BAZ2B: variants seen among roughly 807,000 people sequenced by gnomAD.
BAZ2B encodes bromodomain adjacent to zinc finger domain 2B.
BAZ2B carries 91 observed loss-of-function variants against 246.0 expected under a neutral mutation model. That is an observed-to-expected ratio of 0.37 (90% confidence interval 0.31 to 0.44). BAZ2B has a LOEUF of 0.44. BAZ2B is among the 20% of genes least tolerant of loss of function. BAZ2B has a pLI of 1.00. For synonymous variants in BAZ2B, 855 were observed against 860.0 expected (o/e 0.99, Z 0.10); for missense variants, 2,332 against 2,533.7 (o/e 0.92, Z 1.71).
intron 14 of BAZ2B, among the ~76,000 whole-genome samples, chr2:159,409,582 T>G (rs974320304): frequency 6.6e-6 from 1 of 152,162 alleles, no homozygotes; most frequent in Admixed American, 6.5e-5. Flanking sequence ...TAAGTCTGGT[T>G]TTTCAGTCTA....
At chr2:159,519,205 A>C (rs1311746672) in intron 2 of BAZ2B, among the ~76,000 whole-genome samples, 4 of 56,490 alleles carry the variant, frequency 7.1e-5, no homozygotes, top group African/African-American at 2.6e-4. Context: ...TTCATATTCT[A>C]TTTTCTTTTT....
At chr2:159,604,308 A>G (rs1169569541) in intron 1 of BAZ2B, among the ~76,000 whole-genome samples, 4 of 151,988 alleles carry the variant, frequency 2.6e-5, no homozygotes, top group Non-Finnish European at 5.9e-5. Context: ...GAGTCTTACT[A>G]TGTTGCTCTG....
At position 159,486,147 on chromosome 2, in the gene BAZ2B, T is replaced by G. The variant is rs1255575459; in HGVS notation, c.-2-7426A>C. Reference sequence around the variant, plus strand: ...TGTGAATTTAAATACTAACTAGACTTAGAAATGTCTAACAAGGAAACGAAG... The same window carrying G: ...TGTGAATTTAAATACTAACTAGACTGAGAAATGTCTAACAAGGAAACGAAG... On this transcript the variant is annotated intron_variant, in intron 2 of 36. Transcript: ENST00000392783. Among the ~76,000 whole-genome samples, 4 of 152,020 alleles carry G rather than the reference T, an allele frequency of 2.6e-5. No individual in the cohort carries two copies. The East Asian group carries it at 7.7e-4, about 29-fold the overall frequency.
At position 159,404,924 on chromosome 2, in the gene BAZ2B, A is replaced by C. The variant is rs2065659180; in HGVS notation, c.2771-14T>G. Reference sequence around the variant, plus strand: ...CAGCCATTATTGCTACAAGAAACCAAAGGATAGATATCATCAAAAAGGGAA... The same window carrying C: ...CAGCCATTATTGCTACAAGAAACCACAGGATAGATATCATCAAAAAGGGAA... On this transcript the variant is annotated splice_polypyrimidine_tract_variant and intron_variant, in intron 15 of 36. Transcript: ENST00000392783. 6.2e-7 allele frequency: 1 copy of C among 1,613,316 alleles called. No individual in the cohort carries two copies. The highest frequency in any genetic ancestry group is 8.5e-7 in the Non-Finnish European group (1 of 1,179,752).
In BAZ2B at chr2:159,431,075, C is replaced by T; in HGVS notation, c.1982G>A (p.Ser661Asn). ...DDDKDQDESD[S>N]DTEGEKTSMK... Reference sequence around the variant, plus strand: ...TGAAGTTTTCTCTCCTTCAGTATCACTATCTGATTCATCTTGGTCTTTATC... The same window carrying T: ...TGAAGTTTTCTCTCCTTCAGTATCATTATCTGATTCATCTTGGTCTTTATC... Residue 661 changes from serine to asparagine, a missense_variant, in exon 10 of 37, where the codon AGT (serine) becomes AAT (asparagine). Coordinates refer to ENST00000392783, the MANE Select transcript of BAZ2B (RefSeq NM_013450.4). The T allele has an allele frequency of 6.2e-7, 1 of 1,614,012 alleles. No individual in the cohort carries two copies. Among genetic ancestry groups the T allele is most frequent in the South Asian group, 1.1e-5 (1 of 91,078 alleles).
At chr2:159,568,102 T>C (rs1683083079) in intron 1 of BAZ2B, among the ~76,000 whole-genome samples, 1 of 152,218 alleles carries the variant, frequency 6.6e-6, no homozygotes, top group African/African-American at 2.4e-5. Flanking sequence ...CCATAACCAC[T>C]ATCTAATTCC....
the BAZ2B span, among the ~76,000 whole-genome samples, chr2:159,692,692 A>T: frequency 1.3e-5 from 2 of 152,166 alleles, no homozygotes; most frequent in Non-Finnish European, 2.9e-5. Flanking sequence ...TCTTTAAAAT[A>T]AAAAATTAAA....
intron 2 of BAZ2B, among the ~76,000 whole-genome samples, chr2:159,489,780 G>A (rs1364817840): frequency 6.6e-6 from 1 of 152,046 alleles, no homozygotes; most frequent in Non-Finnish European, 1.5e-5. Flanking sequence ...TGGACTACAG[G>A]CACCTATCTG....
intron 20 of BAZ2B, chr2:159,391,976 A>C (rs1419659348): frequency 6.6e-6 from 1 of 152,176 alleles, no homozygotes; most frequent in African/African-American, 2.4e-5. Context: ...AAAGAGCCAG[A>C]GCTTCCAAGG....
chr2:159,462,551 G>C, intron 3 of BAZ2B: 1 of 887,118 alleles, frequency 1.1e-6, no homozygotes, highest in Non-Finnish European at 1.9e-6. Flanking sequence ...TTCATTTTCT[G>C]CATTCTCTAT....
At chr2:159,704,437 T>C in the BAZ2B span, among the ~76,000 whole-genome samples, 1 of 140,306 alleles carries the variant, frequency 7.1e-6, no homozygotes, top group South Asian at 2.4e-4. Context: ...GAGTTACCAT[T>C]TCCTTCCTTC....
intron 2 of BAZ2B, among the ~76,000 whole-genome samples, chr2:159,518,398 G>C (rs2083668191): frequency 6.6e-6 from 1 of 152,126 alleles, no homozygotes. Flanking sequence ...CTTATCCTCT[G>C]AGGCATTCTT....
intron 13 of BAZ2B, among the ~76,000 whole-genome samples, chr2:159,416,840 A>C (rs2149992241): frequency 6.6e-6 from 1 of 152,336 alleles, no homozygotes; most frequent in East Asian, 1.9e-4. Context: ...TTAGAAAATG[A>C]GAAAAGAATC....
upstream of BAZ2B, among the ~76,000 whole-genome samples, chr2:159,618,345 G>C (rs890278504): frequency 6.6e-6 from 1 of 152,088 alleles, no homozygotes; most frequent in Admixed American, 6.5e-5. Context: ...GCTATAATTT[G>C]AGTAACTACC....
chr2:159,638,294 C>T, the BAZ2B span, among the ~76,000 whole-genome samples: 12 of 152,172 alleles, frequency 7.9e-5, no homozygotes, highest in East Asian at 3.8e-4. Context: ...CAAGCCCAGA[C>T]GGTGGAGACT....
intron 28 of BAZ2B, 127 bp downstream of exon 28, chr2:159,349,581 G>T (rs970067106): frequency 2.7e-6 from 3 of 1,129,840 alleles, no homozygotes; most frequent in Non-Finnish European, 2.4e-6. Context: ...ATTCTGACTT[G>T]TTTTAGTTTT....
chr2:159,580,107 A>T (rs1199613535), intron 1 of BAZ2B, among the ~76,000 whole-genome samples: 1 of 152,148 alleles, frequency 6.6e-6, no homozygotes, highest in Non-Finnish European at 1.5e-5. Context: ...GGTATTGAAT[A>T]AGGAAAAGAG....
Position 159,431,170 on chromosome 2 carries a change from G to C in BAZ2B, c.1901-14C>G, listed in dbSNP as rs1453795665. ...TACTATCTGATTCTGGGAAGTAAAA[G>C]AAGCATTTGTATATTATAACTAGAT... On this transcript the variant is annotated splice_polypyrimidine_tract_variant and intron_variant, in intron 9 of 36. Transcript: ENST00000392783. 1 of 1,593,600 alleles carries C rather than the reference G, an allele frequency of 6.3e-7. No individual in the cohort carries two copies. Among genetic ancestry groups the C allele is most frequent in the Non-Finnish European group, 8.5e-7 (1 of 1,170,126 alleles).
chr2:159,421,713 G>C lies in BAZ2B; in HGVS notation c.2466+6228C>G, dbSNP rs111768035. ...CATATCTTAAGCCCAGAAATATCTT[G>C]AATCAAAAAATGATTAAGCAAAATA... On this transcript the variant is annotated intron_variant, in intron 13 of 36. Coordinates refer to ENST00000392783, the MANE Select transcript of BAZ2B (RefSeq NM_013450.4). Among the ~76,000 whole-genome samples, 398 of 151,670 alleles carry C rather than the reference G, an allele frequency of 2.6e-3. 3 individuals carry two copies. Among genetic ancestry groups the C allele is most frequent in the African/African-American group, 9.0e-3 (371 of 41,354 alleles).
Sources: allele counts gnomAD v4.1 joint callset (sites outside exome capture counted in the v4.1 genomes callset), GRCh38; gene constraint gnomAD v4.1.1; transcripts MANE v1.5; gene names NCBI Gene and HGNC (gene_info 2026-07-23, HGNC 2026-07-21).